Variants in ABCD3 observed in about 807,000 individuals in gnomAD.
ABCD3 encodes ATP binding cassette subfamily D member 3, also known as ATP-binding cassette sub-family D member 3.
In ABCD3, 41 loss-of-function variants were observed where a neutral mutation model predicts 105.5. The observed-to-expected ratio is 0.39, with a 90% CI of 0.30 to 0.50. The LOEUF (loss-of-function observed/expected upper bound fraction) is 0.50. ABCD3 is among the 20% of genes least tolerant of loss of function. The probability of loss-of-function intolerance (pLI) is 0.84; values close to 1 mark genes in which losing one functional copy is unlikely to be tolerated. For missense variants in ABCD3, 622 were observed against 806.3 expected, an observed-to-expected ratio of 0.77 and a Z score of 2.77; for synonymous variants, 258 against 269.0, an observed-to-expected ratio of 0.96 and a Z score of 0.40.
At chr1:94,451,172 T>G (rs113083170) in intron 1 of ABCD3, among the ~76,000 whole-genome samples, 13 of 152,172 alleles carry the variant, frequency 8.5e-5, no homozygotes, top group African/African-American at 2.9e-4. Context: ...TTAAAAATTT[T>G]TGTGTGTGTG....
At chr1:94,451,503 TAAAC>T (rs1292515857) in intron 1 of ABCD3, among the ~76,000 whole-genome samples, 1 of 152,324 alleles carries the variant, frequency 6.6e-6, no homozygotes, top group African/African-American at 2.4e-5. Flanking sequence ...AGCATCTTAA[TAAAC>T]AAAAACAACA....
At chr1:94,444,530 G>A (rs566863500) in intron 1 of ABCD3, among the ~76,000 whole-genome samples, 53 of 151,996 alleles carry the variant, frequency 3.5e-4, no homozygotes, top group Non-Finnish European at 6.2e-4. Flanking sequence ...TTAAATATAC[G>A]CATTTAAGGT....
intron 1 of ABCD3, among the ~76,000 whole-genome samples, chr1:94,439,355 T>A (rs1660049769): frequency 6.6e-6 from 1 of 152,042 alleles, no homozygotes; most frequent in African/African-American, 2.4e-5. Flanking sequence ...TAAAAAAAAA[T>A]TCTAGGCTGG....
At chr1:94,442,178 C>A (rs1048754593) in intron 1 of ABCD3, among the ~76,000 whole-genome samples, 14 of 152,134 alleles carry the variant, frequency 9.2e-5, no homozygotes. Context: ...GTGTATTATT[C>A]TAGCAGATTT....
At chr1:94,480,253 C>A in intron 8 of ABCD3, 1 of 594,230 alleles carries the variant, frequency 1.7e-6, no homozygotes, top group Non-Finnish European at 2.9e-6. Flanking sequence ...GAGGGATAAG[C>A]TACAGTGGTA....
chr1:94,395,946 T>G, the ABCD3 span, among the ~76,000 whole-genome samples: 1 of 152,060 alleles, frequency 6.6e-6, no homozygotes, highest in Non-Finnish European at 1.5e-5. Flanking sequence ...ACTTTCATGT[T>G]TTTGTCTCCA....
At chr1:94,450,986 G>T (rs1276348301) in intron 1 of ABCD3, among the ~76,000 whole-genome samples, 2 of 152,030 alleles carry the variant, frequency 1.3e-5, no homozygotes, top group Non-Finnish European at 2.9e-5. Flanking sequence ...ATTTGTTGTG[G>T]TGTAACTTTT....
the ABCD3 span, among the ~76,000 whole-genome samples, chr1:94,395,393 C>T: frequency 6.6e-6 from 1 of 152,190 alleles, no homozygotes; most frequent in African/African-American, 2.4e-5. Flanking sequence ...CATTTCTAAA[C>T]TGGAAAGGTC....
intron 1 of ABCD3, among the ~76,000 whole-genome samples, chr1:94,456,414 T>C (rs1173287584): frequency 6.6e-6 from 1 of 151,420 alleles, no homozygotes; most frequent in African/African-American, 2.4e-5. Context: ...TAGCTGGGAC[T>C]ACAGGTGCAT....
chr1:94,512,043 G>A lies in ABCD3; in HGVS notation c.1846-3103G>A, dbSNP rs564614792. Among the ~76,000 whole-genome samples, 137 of 152,200 alleles carry A rather than the reference G, an allele frequency of 9.0e-4. 1 individual carries two copies. The highest frequency in any genetic ancestry group is 3.1e-3 in the African/African-American group (128 of 41,550). On this transcript the variant is annotated intron_variant, in intron 21 of 22. Coordinates refer to ENST00000370214, the MANE Select transcript of ABCD3 (RefSeq NM_002858.4). The stretch of plus-strand genomic sequence containing the variant: ...TGTTCCGTTGCTGGTGAGGAACTGC[G>A]TTCCTTTGGAGGAGGAGAGGCGCTC...
chr1:94,453,327 T>TC (rs1193120933), intron 1 of ABCD3, among the ~76,000 whole-genome samples: 2 of 150,816 alleles, frequency 1.3e-5, no homozygotes, highest in Non-Finnish European at 3.0e-5. Context: ...ATTTTTCTTT[T>TC]TTTTTTTTTT....
intron 1 of ABCD3, among the ~76,000 whole-genome samples, chr1:94,431,676 T>G (rs543661010): frequency 6.6e-6 from 1 of 152,280 alleles, no homozygotes; most frequent in Admixed American, 6.5e-5. Flanking sequence ...TCCTCCCACC[T>G]CAGCCTCCTG....
At chr1:94,433,926 G>A (rs1659794502) in intron 1 of ABCD3, among the ~76,000 whole-genome samples, 1 of 152,064 alleles carries the variant, frequency 6.6e-6, no homozygotes, top group African/African-American at 2.4e-5. Context: ...TGGGATTATG[G>A]GTATGAGCCA....
chr1:94,449,364 G>A (rs1220809741), intron 1 of ABCD3, among the ~76,000 whole-genome samples: 3 of 152,202 alleles, frequency 2.0e-5, no homozygotes, highest in Non-Finnish European at 4.4e-5. Context: ...AGGACAACCA[G>A]TCACAATGAG....
At chr1:94,408,462 C>T in the ABCD3 span, among the ~76,000 whole-genome samples, 8 of 151,636 alleles carry the variant, frequency 5.3e-5, no homozygotes, top group Non-Finnish European at 7.4e-5. Context: ...GGCGTAGTGG[C>T]GGGTGCCTGT....
At chr1:94,515,232 T>C in intron 22 of ABCD3, 30 bp downstream of exon 22, 1 of 1,546,542 alleles carries the variant, frequency 6.5e-7, no homozygotes, top group Non-Finnish European at 8.9e-7. Context: ...AATGGTACAG[T>C]GAAATTTTAT....
At chr1:94,507,673 G>T (rs1570836904) in intron 21 of ABCD3, among the ~76,000 whole-genome samples, 1 of 152,038 alleles carries the variant, frequency 6.6e-6, no homozygotes, top group African/African-American at 2.4e-5. Context: ...ACTTTTTAAT[G>T]ATTGCCATTC....
In ABCD3 at chr1:94,421,999, C is replaced by T. The variant is rs115131729; in HGVS notation, c.110+3411C>T. ...AACTTTCTGTATTCATGGTGTGGTC[C>T]TTCCCTACTTTTCCCACTCATCCAA... On this transcript the variant is annotated intron_variant, in intron 1 of 22. Transcript: ENST00000370214. 7.3e-3 allele frequency among the ~76,000 whole-genome samples: 1,106 copies of T among 152,258 alleles called. 17 individuals are homozygous for T. The highest frequency in any genetic ancestry group is 0.025 in the African/African-American group (1,041 of 41,534).
Position 94,498,984 on chromosome 1 carries a change from A to G in ABCD3, c.1570A>G (p.Ile524Val). 1 of 1,613,994 alleles carries G rather than the reference A, an allele frequency of 6.2e-7. No individual in the cohort carries two copies. Among genetic ancestry groups the G allele is most frequent in the Non-Finnish European group, 8.5e-7 (1 of 1,179,966 alleles). ...CCTTGGAACACTTCGAGATCAAGTG[A>G]TATATCCAGATGGACGAGAAGATCA... Reference protein sequence around the residue: ...MTLGTLRDQVIYPDGREDQKR... With the variant: ...MTLGTLRDQVVYPDGREDQKR... The change falls in exon 19 of 23, where the codon ATA becomes GTA. Residue 524 changes from isoleucine to valine, a missense_variant. This residue lies in a region of ABCD3 where 285 missense variants were observed against 352.5 expected (regional missense o/e 0.81). Transcript: ENST00000370214.
Sources: allele counts gnomAD v4.1 joint callset (sites outside exome capture counted in the v4.1 genomes callset), GRCh38; gene constraint gnomAD v4.1.1; regional missense constraint gnomAD v4.1.1; transcripts MANE v1.5; gene names NCBI Gene and HGNC (gene_info 2026-07-23, HGNC 2026-07-21).